Variants in TPX2 observed in about 807,000 individuals in gnomAD.
The protein encoded by TPX2 is targeting protein for Xklp2.
A neutral mutation model predicts 93.6 loss-of-function variants in TPX2; 21 were observed. That is an observed-to-expected ratio of 0.22 (90% CI 0.16 to 0.32). The LOEUF (loss-of-function observed/expected upper bound fraction) is 0.32, where lower values mean the gene tolerates loss of function less well. Among genes scored for constraint, TPX2 ranks in the 10% least tolerant of loss-of-function variants. The pLI, the probability that TPX2 is intolerant of heterozygous loss-of-function variation, is 1.00. For missense variants in TPX2, 776 were observed against 871.1 expected (o/e 0.89, Z 1.37); for synonymous variants, 281 against 298.3 (o/e 0.94, Z 0.60).
At chr20:31,744,807 C>T (rs999883877) in intron 2 of TPX2, among the ~76,000 whole-genome samples, 8 of 152,080 alleles carry the variant, frequency 5.3e-5, no homozygotes, top group South Asian at 2.1e-4. Context: ...TATTTTTGGC[C>T]GGGCGCGGTG....
intron 13 of TPX2, among the ~76,000 whole-genome samples, chr20:31,793,285 A>G (rs973786564): frequency 5.9e-5 from 9 of 152,234 alleles, no homozygotes; most frequent in African/African-American, 2.2e-4. Context: ...GAATTGTAAT[A>G]TATAAACTGT....
chr20:31,785,076 A>C (rs1360051583), intron 12 of TPX2, among the ~76,000 whole-genome samples: 1 of 152,168 alleles, frequency 6.6e-6, no homozygotes, highest in African/African-American at 2.4e-5. Context: ...ATCAGAAGCA[A>C]CTTGAAGTTA....
intron 5 of TPX2, among the ~76,000 whole-genome samples, chr20:31,768,328 C>T (rs1398185377): frequency 6.6e-6 from 1 of 151,726 alleles, no homozygotes; most frequent in East Asian, 1.9e-4. Flanking sequence ...CTCCGCCTCC[C>T]GGGTTCAAGT....
intron 9 of TPX2, 102 bp downstream of exon 9, chr20:31,777,740 A>T: frequency 8.0e-7 from 1 of 1,253,642 alleles, no homozygotes; most frequent in Non-Finnish European, 1.1e-6. Context: ...ATTGAGAAAA[A>T]AAACCTTGTG....
Position 31,797,525 on chromosome 20 carries a change from T to C in TPX2, c.1945+10T>C, listed in dbSNP as rs2062146033. 6.2e-7 allele frequency: 1 copy of C among 1,611,430 alleles called. No individual in the cohort carries two copies. The highest frequency in any genetic ancestry group is 8.5e-7 in the Non-Finnish European group (1 of 1,178,048). On this transcript the variant is annotated intron_variant, in intron 16 of 17. Coordinates refer to ENST00000300403, the MANE Select transcript of TPX2 (RefSeq NM_012112.5). ...AAGAAATCAGTTGCTGGTAGTATTA[T>C]ATGTACTCTGATGGGACTCGGGCAG... is the stretch of plus-strand genomic sequence containing the variant.
At chr20:31,759,396 GT>G (rs35468756) in intron 3 of TPX2, among the ~76,000 whole-genome samples, 3,763 of 100,374 alleles carry the variant, frequency 0.037, 15 homozygotes, top group Non-Finnish European at 0.056. Flanking sequence ...GTTTTCTTTC[GT>G]TTTTTTTTTT....
intron 12 of TPX2, among the ~76,000 whole-genome samples, chr20:31,790,168 C>T (rs1024910953): frequency 4.6e-5 from 7 of 152,066 alleles, no homozygotes; most frequent in African/African-American, 1.4e-4. Flanking sequence ...ATTTGACAAC[C>T]CATTTCTTGG....
intron 11 of TPX2, among the ~76,000 whole-genome samples, chr20:31,782,982 A>G (rs1297061437): frequency 1.3e-5 from 2 of 151,976 alleles, no homozygotes; most frequent in Admixed American, 6.6e-5. Context: ...GATTTCAATT[A>G]AGGAATGCCC....
intron 9 of TPX2, among the ~76,000 whole-genome samples, 158 bp from the exon 10 acceptor site, chr20:31,778,655 T>G (rs982741111): frequency 8.5e-5 from 13 of 152,184 alleles, no homozygotes; most frequent in African/African-American, 3.1e-4. Context: ...GAGAACAGAT[T>G]AGTTATAACC....
At chr20:31,767,449 T>A (rs143350016) in intron 5 of TPX2, among the ~76,000 whole-genome samples, 46 of 152,216 alleles carry the variant, frequency 3.0e-4, no homozygotes, top group African/African-American at 1.0e-3. Context: ...CATAGTTCAC[T>A]GCAGACTCGA....
intron 2 of TPX2, among the ~76,000 whole-genome samples, chr20:31,748,263 TTC>T (rs748295044): frequency 5.3e-5 from 8 of 152,180 alleles, no homozygotes; most frequent in Non-Finnish European, 1.2e-4. Context: ...TCGCCGTTTG[TTC>T]CCCACTAATC....
At chr20:31,778,185 C>G (rs1036310240) in intron 9 of TPX2, among the ~76,000 whole-genome samples, 2 of 152,184 alleles carry the variant, frequency 1.3e-5, no homozygotes, top group Non-Finnish European at 2.9e-5. Flanking sequence ...AGTAAAAATG[C>G]TAGTACTAAT....
chr20:31,740,102 G>C (rs577205561), intron 1 of TPX2, among the ~76,000 whole-genome samples: 8 of 152,192 alleles, frequency 5.3e-5, no homozygotes, highest in African/African-American at 1.7e-4. Context: ...TAGATTGGAG[G>C]GGGGAAGGAA....
intron 12 of TPX2, among the ~76,000 whole-genome samples, chr20:31,788,929 G>T (rs551509679): frequency 6.6e-6 from 1 of 152,134 alleles, no homozygotes; most frequent in Non-Finnish European, 1.5e-5. Context: ...TTTCCTAACT[G>T]CCCTGGGACA....
At chr20:31,791,244 T>C (rs982296926) in intron 12 of TPX2, among the ~76,000 whole-genome samples, 1 of 152,194 alleles carries the variant, frequency 6.6e-6, no homozygotes, top group African/African-American at 2.4e-5. Flanking sequence ...AAAAGGAATT[T>C]GTTATGCTGT....
chr20:31,768,447 G>A (rs1186983731), intron 5 of TPX2, among the ~76,000 whole-genome samples: 4 of 146,920 alleles, frequency 2.7e-5, no homozygotes, highest in East Asian at 4.0e-4. Flanking sequence ...GGGTTTCACC[G>A]TGTTAGCCAG....
chr20:31,755,500 C>T (rs554833651), intron 2 of TPX2, among the ~76,000 whole-genome samples: 1 of 151,832 alleles, frequency 6.6e-6, no homozygotes, highest in South Asian at 2.1e-4. Flanking sequence ...AAATGGCTGG[C>T]CGGGCGCGGT....
At chr20:31,761,879 A>G (rs780136259) in intron 4 of TPX2, among the ~76,000 whole-genome samples, 4 of 152,186 alleles carry the variant, frequency 2.6e-5, no homozygotes, top group Non-Finnish European at 4.4e-5. Context: ...CTAACAATAT[A>G]TAAGAGTTCT....
Position 31,783,689 on chromosome 20 carries a change from A to C in TPX2, c.1197-16A>C. 6.3e-7 allele frequency: 1 copy of C among 1,579,118 alleles called. No individual in the cohort carries two copies. Among genetic ancestry groups the C allele is most frequent in the South Asian group, 1.2e-5 (1 of 83,800 alleles). ...TTAAAATTTTTTTTGTGGTTATTTA[A>C]ATTTTCACCTTACAGATACAAATTC... On this transcript the variant is annotated splice_polypyrimidine_tract_variant and intron_variant, in intron 11 of 17. Transcript: ENST00000300403.
Sources: gnomAD v4.1 joint callset for allele counts (sites outside exome capture counted in the v4.1 genomes callset) on GRCh38, gnomAD v4.1.1 for gene constraint, MANE v1.5 for transcripts, NCBI Gene and HGNC (gene_info 2026-07-23, HGNC 2026-07-21) for gene names.